The following OVOL1 variants were observed in gnomAD, a reference collection of about 807,000 sequenced individuals.
The protein encoded by OVOL1 is ovo like transcriptional repressor 1, also known as putative transcription factor Ovo-like 1.
Under a neutral mutation model 21.5 loss-of-function variants are expected in OVOL1, and 10 were observed. That is an observed-to-expected ratio of 0.46 (90% confidence interval 0.29 to 0.79). OVOL1 has a LOEUF of 0.79. OVOL1 is among the 30% of genes least tolerant of loss of function. The pLI, the probability that OVOL1 is intolerant of heterozygous loss-of-function variation, is 0.10. For missense variants in OVOL1, 279 were observed against 362.3 expected, an observed-to-expected ratio of 0.77 and a Z score of 1.87; for synonymous variants, 129 against 150.3, an observed-to-expected ratio of 0.86 and a Z score of 1.03.
rs1212809556 is a variant in OVOL1, at chr11:65,795,031, C to G, written c.509-15C>G. On this transcript the variant is annotated splice_polypyrimidine_tract_variant and intron_variant, in intron 3 of 3. Transcript: ENST00000335987. The surrounding 1 kb of genome is among the most constrained non-coding windows in gnomAD (Gnocchi z 5.7). ...CCTGCCAGGTCTCTGATGCTGGCCC[C>G]TGTCCTCCCCACAGGCGTGCGGCCC... 3 of 1,608,226 alleles carry G rather than the reference C, an allele frequency of 1.9e-6. No individual in the cohort carries two copies. The highest frequency in any genetic ancestry group is 2.5e-6 in the Non-Finnish European group (3 of 1,177,742).
chr11:65,790,216 T>TC (rs1857987510), intron 1 of OVOL1: 2 of 151,340 alleles, frequency 1.3e-5, no homozygotes, highest in South Asian at 2.1e-4. Context: ...TGAAGCTGGT[T>TC]CCCCCGAGCC....
chr11:65,787,497 C>T (rs748498144), intron 1 of OVOL1, 24 bp downstream of exon 1: 1 of 1,418,446 alleles, frequency 7.0e-7, no homozygotes, highest in African/African-American at 1.5e-5. Flanking sequence ...CGCCCTCCGG[C>T]CTGGGGCACC....
chr11:65,790,442 CTG>C (rs1481566326), intron 1 of OVOL1: 1 of 152,268 alleles, frequency 6.6e-6, no homozygotes, highest in Admixed American at 6.5e-5. Flanking sequence ...CGGTGGGACA[CTG>C]GAGCTTCCTT....
chr11:65,791,427 G>A (rs965946739), intron 1 of OVOL1, among the ~76,000 whole-genome samples: 3 of 152,234 alleles, frequency 2.0e-5, no homozygotes, highest in African/African-American at 7.2e-5. Context: ...TGGGGCCCAG[G>A]AGGGGGTCAT....
chr11:65,794,157 C>T lies in OVOL1; in HGVS notation c.227C>T (p.Pro76Leu). 6.2e-7 allele frequency: 1 copy of T among 1,613,804 alleles called. No homozygotes were observed. Among genetic ancestry groups the T allele is most frequent in the Non-Finnish European group, 8.5e-7 (1 of 1,180,028 alleles). Reference sequence around the variant, plus strand: ...TCTAGCTACAGCATGGCCCCCGGGCCCTGTGTGGTGGCCCAGCTGCCCTCT... The same window carrying T: ...TCTAGCTACAGCATGGCCCCCGGGCTCTGTGTGGTGGCCCAGCTGCCCTCT... Reference protein sequence around the residue: ...RDSSYSMAPGPCVVAQLPSED... With the variant: ...RDSSYSMAPGLCVVAQLPSED... The change falls in exon 2 of 4, where the codon CCC (proline) becomes CTC (leucine). Residue 76 changes from proline to leucine, a missense_variant. Coordinates refer to ENST00000335987, the MANE Select transcript of OVOL1 (RefSeq NM_004561.4).
chr11:65,794,949 T>A, intron 3 of OVOL1, 97 bp from the exon 4 acceptor site: 1 of 1,318,078 alleles, frequency 7.6e-7, no homozygotes, highest in Non-Finnish European at 1.0e-6. Context: ...CCCTTGGCCC[T>A]AGAGGCAGGG....
intron 1 of OVOL1, chr11:65,788,723 T>A (rs1857951858): frequency 4.1e-6 from 4 of 985,432 alleles, no homozygotes; most frequent in Non-Finnish European, 4.8e-6. Context: ...TAACCTGATC[T>A]CAAGGGGACC....
intron 1 of OVOL1, chr11:65,789,804 T>C (rs1286419257): frequency 1.6e-6 from 1 of 635,478 alleles, no homozygotes; most frequent in Non-Finnish European, 2.0e-6. Context: ...CCTCAAAGCC[T>C]CCCAGAAGGT....
intron 1 of OVOL1, among the ~76,000 whole-genome samples, chr11:65,791,638 C>T (rs542974408): frequency 1.7e-4 from 26 of 152,326 alleles, no homozygotes; most frequent in African/African-American, 6.3e-4. Flanking sequence ...CACAGTCCCT[C>T]GGTGTCCGTG....
rs139005300 is a variant in OVOL1 at position 65,792,737 on chromosome 11, C to T, written c.101-1294C>T. ...GGCGGCGGCGGGTGCATTCTTCTCT[C>T]TCAGACCTTTGTTGTGTTTTGAGGG... On this transcript the variant is annotated intron_variant, in intron 1 of 3. Coordinates refer to ENST00000335987, the MANE Select transcript of OVOL1 (RefSeq NM_004561.4). Among the ~76,000 whole-genome samples, 3 of 152,376 alleles carry T rather than the reference C, an allele frequency of 2.0e-5. No individual in the cohort carries two copies. The East Asian group carries it at 5.8e-4, about 29-fold the overall frequency.
chr11:65,793,988 T>G, intron 1 of OVOL1, 43 bp from the exon 2 acceptor site: 1 of 1,534,802 alleles, frequency 6.5e-7, no homozygotes, highest in East Asian at 2.3e-5. Flanking sequence ...CGCTGGACCC[T>G]CTCTTCTCCA....
intron 1 of OVOL1, chr11:65,789,385 A>G (rs79650968): frequency 0.014 from 2,174 of 153,008 alleles, 44 homozygotes; most frequent in African/African-American, 0.05. Flanking sequence ...CGGGAGTCCA[A>G]TCTCAAGGAT....
chr11:65,795,406 C>A lies in OVOL1; in HGVS notation c.*65C>A. On this transcript the variant is annotated 3_prime_UTR_variant, in exon 4 of 4. Coordinates refer to ENST00000335987, the MANE Select transcript of OVOL1 (RefSeq NM_004561.4). This position sits in a 1 kb window ranked among gnomAD's most constrained non-coding sequence, Gnocchi z 5.7. Reference sequence around the variant, plus strand: ...GCATCCAGGATTGCCTCCCAGCTGCCTGGCCAGCCCACCCTCCTGCAACCT... The same window carrying A: ...GCATCCAGGATTGCCTCCCAGCTGCATGGCCAGCCCACCCTCCTGCAACCT... 1 of 1,434,754 alleles carries A rather than the reference C, an allele frequency of 7.0e-7. No homozygotes were observed. The highest frequency in any genetic ancestry group is 1.3e-5 in the South Asian group (1 of 76,820). The allele number at this position is 1,434,754 out of a possible 1,614,324, so 88.9% of individuals were successfully genotyped here. A position where few individuals can be genotyped will look rare whatever the true frequency, so the allele number is the denominator to read the frequency against.
chr11:65,795,095 C>G lies in OVOL1; in HGVS notation c.558C>G (p.Arg186=). 6.2e-7 allele frequency: 1 copy of G among 1,613,686 alleles called. No individual in the cohort carries two copies. The highest frequency in any genetic ancestry group is 1.6e-4 in the Middle Eastern group (1 of 6,062). ...TGTGTGACAAGGCCTTCACGCAGCGCTGCTCTCTGGAGTCTCACCTCAAGA... is the reference window on the plus strand; with the variant it reads ...TGTGTGACAAGGCCTTCACGCAGCGGTGCTCTCTGGAGTCTCACCTCAAGA... The part of the protein sequence containing the change: ...CSLCDKAFTQ[R]CSLESHLKKI... Residue 186 remains arginine (R), a synonymous_variant, in exon 4 of 4, where the codon CGC becomes CGG. Coordinates refer to ENST00000335987, the MANE Select transcript of OVOL1 (RefSeq NM_004561.4). The surrounding 1 kb of genome is among the most constrained non-coding windows in gnomAD (Gnocchi z 5.7).
Position 65,795,376 on chromosome 11 carries a change from CA to C in OVOL1, c.*37del. The C allele has an allele frequency of 6.5e-7, 1 of 1,531,542 alleles. No individual in the cohort carries two copies. Among genetic ancestry groups the C allele is most frequent in the Non-Finnish European group, 8.8e-7 (1 of 1,140,254 alleles). 94.9% of individuals were successfully genotyped at this position (1,531,542 alleles called of 1,614,324 possible). A position where few individuals can be genotyped will look rare whatever the true frequency, so the allele number is the denominator to read the frequency against. On this transcript the variant is annotated 3_prime_UTR_variant, in exon 4 of 4. Coordinates refer to ENST00000335987, the MANE Select transcript of OVOL1 (RefSeq NM_004561.4). This position sits in a 1 kb window ranked among gnomAD's most constrained non-coding sequence, Gnocchi z 5.7. ...GCCCTGGGGGTGCTCCTGGAAGCCC[CA>C]AGAGCATCCAGGATTGCCTCCCAGC...
rs188576840 is a variant in OVOL1 at position 65,795,569 on chromosome 11, C to T, written c.*228C>T. 246 of 591,910 alleles carry T rather than the reference C, an allele frequency of 4.2e-4. 1 individual carries two copies. Among genetic ancestry groups the T allele is most frequent in the African/African-American group, 4.1e-3 (220 of 53,862 alleles). 36.7% of individuals were successfully genotyped at this position (591,910 alleles called of 1,614,324 possible). ...CTTATGGGCCGAGGCTGTTCTGAGC[C>T]TGGGAAGATGTACCTATGTCAAGAG... On this transcript the variant is annotated 3_prime_UTR_variant, in exon 4 of 4. Coordinates refer to ENST00000335987, the MANE Select transcript of OVOL1 (RefSeq NM_004561.4). The surrounding 1 kb of genome is among the most constrained non-coding windows in gnomAD (Gnocchi z 5.7).
Position 65,787,446 on chromosome 11 carries a change from G to A in OVOL1, c.73G>A (p.Glu25Lys), listed in dbSNP as rs1857927102. Reference sequence around the variant, plus strand: ...GAGGAACTGGAGCGAGCTCCCCGACGAGGAGCGCGGCGAGATCTACGTGCC... The same window carrying A: ...GAGGAACTGGAGCGAGCTCCCCGACAAGGAGCGCGGCGAGATCTACGTGCC... ...CKRNWSELPDEERGEIYVPVS... is the reference protein window; with the variant it reads ...CKRNWSELPDKERGEIYVPVS... The change falls in exon 1 of 4, where the codon GAG becomes AAG. Residue 25 changes from glutamate (E) to lysine (K), a missense_variant. Physicochemically the swap from Glu to Lys is moderately conservative, Grantham distance 56. Coordinates refer to ENST00000335987, the MANE Select transcript of OVOL1 (RefSeq NM_004561.4). 6 of 1,585,674 alleles carry A rather than the reference G, an allele frequency of 3.8e-6. No homozygotes were observed. The highest frequency in any genetic ancestry group is 1.7e-5 in the Admixed American group (1 of 57,810).
Position 65,787,251 on chromosome 11 carries a change from C to T in OVOL1, c.-123C>T. 3 of 720,188 alleles carry T rather than the reference C, an allele frequency of 4.2e-6. No homozygotes were observed. Among genetic ancestry groups the T allele is most frequent in the Admixed American group, 2.3e-5 (1 of 42,912 alleles). 44.6% of individuals were successfully genotyped at this position (720,188 alleles called of 1,614,324 possible). A position where few individuals can be genotyped will look rare whatever the true frequency, so the allele number is the denominator to read the frequency against. On this transcript the variant is annotated 5_prime_UTR_variant, in exon 1 of 4. Coordinates refer to ENST00000335987, the MANE Select transcript of OVOL1 (RefSeq NM_004561.4). ...TCGGACCTTCCCCGGAACGTGGGGGCGCCTTAGCGACTCCTTCCCTGTTGT... is the reference window on the plus strand; with the variant it reads ...TCGGACCTTCCCCGGAACGTGGGGGTGCCTTAGCGACTCCTTCCCTGTTGT...
chr11:65,791,295 C>A (rs149567074), intron 1 of OVOL1, among the ~76,000 whole-genome samples: 2 of 152,296 alleles, frequency 1.3e-5, no homozygotes, highest in African/African-American at 2.4e-5. Flanking sequence ...GGGCACCAGC[C>A]CTTCCTGATA....
Sources: gnomAD v4.1 joint callset for allele counts (sites outside exome capture counted in the v4.1 genomes callset) on GRCh38, gnomAD v4.1.1 for gene constraint, Gnocchi (gnomAD v3.1) non-coding constraint, MANE v1.5 for transcripts, NCBI Gene and HGNC (gene_info 2026-07-23, HGNC 2026-07-21) for gene names.